RARS1: variants seen among roughly 807,000 people sequenced by gnomAD.
The protein encoded by RARS1 is arginine--tRNA ligase, cytoplasmic.
RARS1 carries 75 observed loss-of-function variants against 78.7 expected under a neutral mutation model. The observed-to-expected ratio is 0.95, with a 90% CI of 0.79 to 1.15. The LOEUF (loss-of-function observed/expected upper bound fraction) is 1.15. Among genes scored for constraint, RARS1 ranks in the 50% most tolerant of loss-of-function variants. The pLI, the probability that RARS1 is intolerant of heterozygous loss-of-function variation, is 0.00. For missense variants in RARS1, 787 were observed against 787.5 expected (o/e 1.00, Z 0.01); for synonymous variants, 273 against 268.2 (o/e 1.02, Z -0.18).
At chr5:168,486,666 C>A in intron 1 of RARS1, 123 bp downstream of exon 1, 1 of 995,054 alleles carries the variant, frequency 1.0e-6, no homozygotes, top group South Asian at 1.4e-5. Context: ...CAGAGTGGAG[C>A]GGCACGGTCC....
chr5:168,505,448 A>G (rs759418201), intron 9 of RARS1, among the ~76,000 whole-genome samples: 8 of 152,334 alleles, frequency 5.3e-5, no homozygotes, highest in South Asian at 4.1e-4. Flanking sequence ...AACAGTGTCA[A>G]CTACTTTTCA....
intron 3 of RARS1, 43 bp downstream of exon 3, chr5:168,492,890 T>A (rs1758115319): frequency 1.4e-6 from 2 of 1,430,288 alleles, no homozygotes; most frequent in Non-Finnish European, 1.9e-6. Flanking sequence ...TTTTTTTAAG[T>A]ATTATTATCA....
intron 13 of RARS1, among the ~76,000 whole-genome samples, chr5:168,517,434 C>T (rs1190670045): frequency 2.0e-5 from 3 of 152,286 alleles, no homozygotes; most frequent in Non-Finnish European, 2.9e-5. Flanking sequence ...TGAGCCATCA[C>T]GCTCAGCCTA....
Position 168,510,616 on chromosome 5 carries a change from G to T in RARS1, c.1382G>T (p.Arg461Leu). Residue 461 changes from arginine to leucine, a missense_variant, in exon 12 of 15, where the codon CGC becomes CTC. Arg to Leu is a moderately radical substitution (Grantham distance 102, BLOSUM62 -2). Transcript: ENST00000231572. ...AAAACACGTTCGGGTGAAACAGTGC[G>T]CCTCATGGATCTTCTGGGAGAAGGA... ...KFKTRSGETV[R>L]LMDLLGEGLK... 2 of 1,610,900 alleles carry T rather than the reference G, an allele frequency of 1.2e-6. No homozygotes were observed. Among genetic ancestry groups the T allele is most frequent in the Non-Finnish European group, 1.7e-6 (2 of 1,179,240 alleles).
At position 168,519,248 on chromosome 5, in the gene RARS1, C is replaced by A; in HGVS notation, c.*58C>A. On this transcript the variant is annotated 3_prime_UTR_variant, in exon 15 of 15. Coordinates refer to ENST00000231572, the MANE Select transcript of RARS1 (RefSeq NM_002887.4). The stretch of plus-strand genomic sequence containing the variant: ...CCAAAGTGGCCATTGGCACTGTTTG[C>A]TTTTTTACAATCATGTGGACACAAG... 1.5e-6 allele frequency: 2 copies of A among 1,350,274 alleles called. No homozygotes were observed. Among genetic ancestry groups the A allele is most frequent in the Middle Eastern group, 1.8e-4 (1 of 5,442 alleles). The allele number at this position is 1,350,274 out of a possible 1,614,324, so 83.6% of individuals were successfully genotyped here. A position where few individuals can be genotyped will look rare whatever the true frequency, so the allele number is the denominator to read the frequency against.
At chr5:168,493,071 G>A (rs753303484) in intron 3 of RARS1, 14 of 430,002 alleles carry the variant, frequency 3.3e-5, no homozygotes, top group Middle Eastern at 6.5e-4. Context: ...AATATTTAAG[G>A]GCAATCATTG....
At chr5:168,489,579 T>G (rs1359576005) in intron 2 of RARS1, among the ~76,000 whole-genome samples, 2 of 152,168 alleles carry the variant, frequency 1.3e-5, no homozygotes, top group Non-Finnish European at 2.9e-5. Context: ...TTAACAGTGT[T>G]TTACCAATTT....
intron 3 of RARS1, among the ~76,000 whole-genome samples, chr5:168,493,582 C>T (rs540696268): frequency 1.7e-4 from 23 of 138,592 alleles, no homozygotes; most frequent in Admixed American, 1.3e-3. Context: ...TACAGTGAGC[C>T]GAGATCACAC....
intron 12 of RARS1, among the ~76,000 whole-genome samples, chr5:168,513,386 C>G (rs143069017): frequency 0.13 from 19,726 of 151,886 alleles, 1,702 homozygotes; most frequent in Non-Finnish European, 0.19. Context: ...GTGGCACAAT[C>G]TTGGCTCACT....
intron 3 of RARS1, among the ~76,000 whole-genome samples, chr5:168,493,402 T>C (rs572480904): frequency 9.9e-5 from 15 of 152,248 alleles, no homozygotes; most frequent in African/African-American, 3.6e-4. Flanking sequence ...ATTTCTCAAG[T>C]GTGAATATTG....
chr5:168,494,468 C>T (rs1487815793), intron 4 of RARS1, 82 bp from the exon 5 acceptor site: 1 of 1,565,042 alleles, frequency 6.4e-7, no homozygotes, highest in African/African-American at 1.4e-5. Context: ...AGAGCCAGGT[C>T]AGTGTCTGGA....
chr5:168,486,671 CGGTCCCTGTG>C, intron 1 of RARS1, 128 bp downstream of exon 1: 1 of 975,552 alleles, frequency 1.0e-6, no homozygotes, highest in Non-Finnish European at 1.6e-6. Flanking sequence ...TGGAGCGGCA[CGGTCCCTGTG>C]GGAACAGGAA....
In RARS1 at chr5:168,494,612, A is replaced by G. The variant is rs1246709100; in HGVS notation, c.541A>G (p.Asn181Asp). The change falls in exon 5 of 15, where the codon AAT (asparagine) becomes GAT (aspartate). Residue 181 changes from asparagine to aspartate, a missense_variant. Transcript: ENST00000231572. ...AGAACAATTGACCAGTCTTCTAGTG[A>G]ATGGAGTTCAACTACCTGCTCTGGG... ...VSEQLTSLLV[N>D]GVQLPALGEN... The G allele has an allele frequency of 6.2e-7, 1 of 1,608,966 alleles. No individual in the cohort carries two copies. Among genetic ancestry groups the G allele is most frequent in the East Asian group, 2.2e-5 (1 of 44,858 alleles).
intron 13 of RARS1, among the ~76,000 whole-genome samples, chr5:168,517,460 A>G (rs1052214543): frequency 2.0e-5 from 3 of 152,016 alleles, no homozygotes; most frequent in Non-Finnish European, 4.4e-5. Context: ...TTCTTTTCAG[A>G]CTTATTTTTC....
intron 14 of RARS1, among the ~76,000 whole-genome samples, chr5:168,518,718 C>T (rs1390102071): frequency 1.3e-5 from 2 of 152,146 alleles, no homozygotes; most frequent in African/African-American, 4.8e-5. Context: ...TTGTTAAAGT[C>T]ATGCCTGAGG....
chr5:168,491,130 C>T (rs1415575558), intron 2 of RARS1, among the ~76,000 whole-genome samples: 1 of 152,066 alleles, frequency 6.6e-6, no homozygotes, highest in Non-Finnish European at 1.5e-5. Context: ...GAGCAAGACC[C>T]GGTCCCAAAA....
intron 12 of RARS1, among the ~76,000 whole-genome samples, chr5:168,513,052 CT>C (rs541411053): frequency 4.2e-4 from 61 of 143,722 alleles, no homozygotes; most frequent in Non-Finnish European, 4.6e-4. Context: ...TCTTTCTTTC[CT>C]TTTTTTTTTT....
rs373354156 is a variant in RARS1, at chr5:168,510,572, A to G, written c.1347-9A>G. On this transcript the variant is annotated splice_polypyrimidine_tract_variant and intron_variant, in intron 11 of 14. Coordinates refer to ENST00000231572, the MANE Select transcript of RARS1 (RefSeq NM_002887.4). ...TTCAAAATCTGATTGGGGGTTTTAC[A>G]TTTTTTAGGAAAAAGTTTAAAACAC... The G allele has an allele frequency of 1.3e-4, 206 of 1,597,012 alleles. No individual in the cohort carries two copies. The highest frequency in any genetic ancestry group is 3.2e-4 in the Admixed American group (18 of 55,646).
chr5:168,497,451 TA>T (rs1758220779), intron 7 of RARS1, 103 bp downstream of exon 7: 1 of 992,552 alleles, frequency 1.0e-6, no homozygotes, highest in African/African-American at 1.7e-5. Flanking sequence ...ACTATGGAGT[TA>T]AGTGAAAGTT....
Sources: gnomAD v4.1 joint callset for allele counts (sites outside exome capture counted in the v4.1 genomes callset) on GRCh38, gnomAD v4.1.1 for gene constraint, MANE v1.5 for transcripts, NCBI Gene and HGNC (gene_info 2026-07-23, HGNC 2026-07-21) for gene names.